RFX1: variants seen among roughly 807,000 people sequenced by gnomAD.
RFX1 encodes regulatory factor X1.
A neutral mutation model predicts 119.6 loss-of-function variants in RFX1; 42 were observed. The ratio of observed to expected loss-of-function variants is 0.35; its 90% CI spans 0.27 to 0.45. RFX1 has a LOEUF of 0.45. Ranked by LOEUF, RFX1 falls within the 20% of genes least tolerant of loss-of-function variation. The probability of loss-of-function intolerance (pLI) is 1.00; values close to 1 mark genes in which losing one functional copy is unlikely to be tolerated. For synonymous variants in RFX1, 628 were observed against 618.5 expected (o/e 1.02, Z -0.23); for missense variants, 1,118 against 1,368.1 (o/e 0.82, Z 2.88).
chr19:14,002,762 C>T (rs1489126401), intron 1 of RFX1, among the ~76,000 whole-genome samples: 1 of 152,184 alleles, frequency 6.6e-6, no homozygotes, highest in African/African-American at 2.4e-5. Flanking sequence ...AGGAAGACCA[C>T]GTCCTGTACA....
chr19:13,979,086 G>A (rs1020960725), intron 7 of RFX1, among the ~76,000 whole-genome samples: 2 of 151,902 alleles, frequency 1.3e-5, no homozygotes, highest in Non-Finnish European at 2.9e-5. Context: ...AGCTCTGGAG[G>A]ACAAACAGAG....
rs985059962 is a variant in RFX1 at position 13,963,954 on chromosome 19, G to A, written c.2265C>T (p.Asn755=). The A allele has an allele frequency of 6.5e-7, 1 of 1,543,288 alleles. No homozygotes were observed. The highest frequency in any genetic ancestry group is 8.7e-7 in the Non-Finnish European group (1 of 1,147,370). ...CAGCGCGCGCCGCCTGCGCCAGGTG[G>A]TTGAGCGACGTGTAGCGCCGCAGTG... is the stretch of plus-strand genomic sequence containing the variant. ...AQTLRRYTSL[N]HLAQAARAVL... Residue 755 remains asparagine, a synonymous_variant, in exon 17 of 21, where the codon AAC becomes AAT. Coordinates refer to ENST00000254325, the MANE Select transcript of RFX1 (RefSeq NM_002918.5).
At chr19:13,964,101 C>T in intron 16 of RFX1, 94 bp from the exon 17 acceptor site, 2 of 1,328,114 alleles carry the variant, frequency 1.5e-6, no homozygotes, top group South Asian at 3.0e-5. Flanking sequence ...AGCCTGTTTC[C>T]TTTTTCCTAA....
At position 13,987,934 on chromosome 19, in the gene RFX1, C is replaced by T. The variant is rs542162579; in HGVS notation, c.320-4339G>A. Among the ~76,000 whole-genome samples, 4 of 152,328 alleles carry T rather than the reference C, an allele frequency of 2.6e-5. No individual in the cohort carries two copies. The East Asian group carries it at 7.7e-4, about 29-fold the overall frequency. ...AAGATGGGGGAGACAGAGGCCACCT[C>T]CCCATGCCTAACAGCTACTTAGAGT... On this transcript the variant is annotated intron_variant, in intron 2 of 20. Coordinates refer to ENST00000254325, the MANE Select transcript of RFX1 (RefSeq NM_002918.5).
chr19:13,985,890 A>T lies in RFX1; in HGVS notation c.320-2295T>A, dbSNP rs1308494770. ...GTGTGTTGGGGGCGGGGGTTGCCAGATGTGGGAGGTGTTGGGGGAGGCCTC... is the reference window on the plus strand; with the variant it reads ...GTGTGTTGGGGGCGGGGGTTGCCAGTTGTGGGAGGTGTTGGGGGAGGCCTC... On this transcript the variant is annotated intron_variant, in intron 2 of 20. Coordinates refer to ENST00000254325, the MANE Select transcript of RFX1 (RefSeq NM_002918.5). The surrounding 1 kb of genome is among the most constrained non-coding windows in gnomAD (Gnocchi z 4.3). Among the ~76,000 whole-genome samples the T allele has an allele frequency of 6.6e-6, 1 of 151,914 alleles. No individual in the cohort carries two copies. The highest frequency in any genetic ancestry group is 2.4e-5 in the African/African-American group (1 of 41,372).
At chr19:13,994,525 G>C (rs1230573559) in intron 1 of RFX1, among the ~76,000 whole-genome samples, 1 of 151,998 alleles carries the variant, frequency 6.6e-6, no homozygotes, top group Admixed American at 6.6e-5. Flanking sequence ...AGACCAGCCT[G>C]GCCAACATGG....
intron 1 of RFX1, among the ~76,000 whole-genome samples, chr19:14,001,884 C>T (rs1449128489): frequency 1.3e-5 from 2 of 152,234 alleles, no homozygotes; most frequent in Non-Finnish European, 2.9e-5. Context: ...ACCTATAGTT[C>T]CAGCACTTTG....
intron 2 of RFX1, among the ~76,000 whole-genome samples, chr19:13,984,359 GA>G (rs1046648138): frequency 5.3e-5 from 8 of 152,152 alleles, no homozygotes; most frequent in African/African-American, 1.9e-4. Context: ...CCCCCCGGTG[GA>G]TGCAGAGAGC....
chr19:13,969,782 C>A lies in RFX1; in HGVS notation c.1496+212G>T, dbSNP rs115206337. ...AGTTTTAGTTGAGGCAGTCAGGGGA[C>A]GTGCAAGTAAGGAGGGGTGAGAAGC... On this transcript the variant is annotated intron_variant, in intron 10 of 20. Transcript: ENST00000254325. This position sits in a 1 kb window ranked among gnomAD's most constrained non-coding sequence, Gnocchi z 4.5. The A allele has an allele frequency of 6.3e-6, 3 of 478,220 alleles. No homozygotes were observed. The highest frequency in any genetic ancestry group is 4.1e-5 in the South Asian group (1 of 24,332). The allele number at this position is 478,220 out of a possible 1,614,324, so 29.6% of individuals were successfully genotyped here.
At chr19:13,999,381 A>G (rs2145638209) in intron 1 of RFX1, among the ~76,000 whole-genome samples, 1 of 152,340 alleles carries the variant, frequency 6.6e-6, no homozygotes, top group Middle Eastern at 3.4e-3. Flanking sequence ...AAGTTCTGTA[A>G]GGGCCAAGCA....
chr19:13,963,831 G>GCCCCC, intron 17 of RFX1, 27 bp downstream of exon 17: 3 of 1,487,658 alleles, frequency 2.0e-6, no homozygotes, highest in Non-Finnish European at 2.7e-6. Context: ...CCCCTCATTC[G>GCCCCC]CCCGCCCCGC....
Position 13,985,248 on chromosome 19 carries a change from G to A in RFX1, c.320-1653C>T, listed in dbSNP as rs1443887832. ...GCTGGAGTGCAGTGGCGCAATCTCT[G>A]CTCACTGAAATCTCCGCCTCCCGGT... On this transcript the variant is annotated intron_variant, in intron 2 of 20. Transcript: ENST00000254325. This position sits in a 1 kb window ranked among gnomAD's most constrained non-coding sequence, Gnocchi z 4.3. Among the ~76,000 whole-genome samples the A allele has an allele frequency of 1.3e-5, 2 of 150,528 alleles. No homozygotes were observed. The highest frequency in any genetic ancestry group is 4.9e-5 in the African/African-American group (2 of 40,716).
At position 13,979,446 on chromosome 19, in the gene RFX1, C is replaced by A; in HGVS notation, c.834+1G>T. 1 of 1,580,032 alleles carries A rather than the reference C, an allele frequency of 6.3e-7. No homozygotes were observed. The highest frequency in any genetic ancestry group is 8.6e-7 in the Non-Finnish European group (1 of 1,160,240). ...GTGGGGTAGGAGGGGGAGACACACA[C>A]CTCTTGAGCCACGTGGACTGGCTGG... On this transcript the variant is annotated splice_donor_variant, in intron 7 of 20. Transcript: ENST00000254325. LOFTEE classifies it high-confidence loss of function.
At chr19:13,994,910 A>ATATATATG (rs1282916969) in intron 1 of RFX1, among the ~76,000 whole-genome samples, 1 of 85,888 alleles carries the variant, frequency 1.2e-5, no homozygotes, top group Non-Finnish European at 2.5e-5. Context: ...ATATATATAT[A>ATATATATG]TATATATATA....
intron 1 of RFX1, among the ~76,000 whole-genome samples, chr19:13,994,895 T>TAC (rs200441489): frequency 0.045 from 526 of 11,644 alleles, 1 homozygote; most frequent in African/African-American, 0.12. Flanking sequence ...TATACATACA[T>TAC]ATATATATAT....
At chr19:14,003,186 G>A (rs1344241595) in intron 1 of RFX1, among the ~76,000 whole-genome samples, 3 of 152,130 alleles carry the variant, frequency 2.0e-5, no homozygotes, top group Admixed American at 6.5e-5. Context: ...GGGTTTCACC[G>A]TGTTGGCCAG....
intron 6 of RFX1, among the ~76,000 whole-genome samples, chr19:13,979,888 C>T (rs1974374119): frequency 6.6e-6 from 1 of 152,074 alleles, no homozygotes; most frequent in African/African-American, 2.4e-5. Flanking sequence ...TGTGCTGTGG[C>T]GGGCATGCGG....
intron 8 of RFX1, among the ~76,000 whole-genome samples, chr19:13,976,542 A>G (rs965508826): frequency 9.2e-5 from 14 of 152,210 alleles, no homozygotes; most frequent in South Asian, 2.1e-4. Context: ...GAAGCCCCCT[A>G]TGCATCACTG....
In RFX1 at chr19:13,983,319, G is replaced by A. The variant is rs539721499; in HGVS notation, c.430-49C>T. 2.0e-5 allele frequency: 30 copies of A among 1,471,786 alleles called. No homozygotes were observed. In the African/African-American group the frequency reaches 3.9e-4, roughly 19 times the overall value. 91.2% of individuals were successfully genotyped at this position (1,471,786 alleles called of 1,614,324 possible). On this transcript the variant is annotated intron_variant, in intron 3 of 20. Coordinates refer to ENST00000254325, the MANE Select transcript of RFX1 (RefSeq NM_002918.5). ...CTGAGCTGCCACTTCCCCCAGGGAG[G>A]CCTGGCGTGGTTGGGTGGCGGGCGG...
Sources: allele counts gnomAD v4.1 joint callset (sites outside exome capture counted in the v4.1 genomes callset), GRCh38; gene constraint gnomAD v4.1.1; non-coding constraint Gnocchi (gnomAD v3.1); transcripts MANE v1.5; gene names NCBI Gene and HGNC (gene_info 2026-07-23, HGNC 2026-07-21).